The following ABCA12 variants were observed in gnomAD, a reference collection of about 807,000 sequenced individuals.
The protein encoded by ABCA12 is glucosylceramide transporter ABCA12.
Under a neutral mutation model 293.5 loss-of-function variants are expected in ABCA12, and 156 were observed. That is an observed-to-expected ratio of 0.53 (90% CI 0.47 to 0.61). ABCA12 has a LOEUF of 0.61. Ranked by LOEUF, ABCA12 falls within the 20% of genes least tolerant of loss-of-function variation. The pLI is 0.00. For synonymous variants in ABCA12, 1,063 were observed against 1,108.0 expected (o/e 0.96, Z 0.81); for missense variants, 2,797 against 3,090.2 (o/e 0.91, Z 2.25).
At chr2:215,110,600 C>T (rs142557227) in intron 2 of ABCA12, among the ~76,000 whole-genome samples, 109 of 152,350 alleles carry the variant, frequency 7.2e-4, no homozygotes, top group Middle Eastern at 3.4e-3. Context: ...ATGCTTTCCA[C>T]TAACTGAGTT....
chr2:215,081,506 GAA>G (rs1348884051), intron 2 of ABCA12, among the ~76,000 whole-genome samples: 9 of 115,010 alleles, frequency 7.8e-5, no homozygotes, highest in African/African-American at 2.6e-4. Context: ...AAAGAAAAAA[GAA>G]AAAGAAAAAA....
intron 9 of ABCA12, among the ~76,000 whole-genome samples, chr2:215,027,371 A>C (rs2106024741): frequency 6.6e-6 from 1 of 152,210 alleles, no homozygotes; most frequent in Non-Finnish European, 1.5e-5. Flanking sequence ...AAAGAAAGAA[A>C]TACTATGCAG....
chr2:215,066,226 C>T (rs1415977513), intron 2 of ABCA12, among the ~76,000 whole-genome samples: 1 of 152,102 alleles, frequency 6.6e-6, no homozygotes, highest in East Asian at 1.9e-4. Context: ...CCACTGTAAC[C>T]TCTCACTTAG....
chr2:214,961,251 A>G (rs539777090), intron 39 of ABCA12, among the ~76,000 whole-genome samples: 7 of 152,248 alleles, frequency 4.6e-5, no homozygotes, highest in African/African-American at 1.4e-4. Context: ...AAGAAAAATT[A>G]TTAGAGGCTA....
chr2:214,997,747 A>G lies in ABCA12; in HGVS notation c.3242T>C (p.Ile1081Thr), dbSNP rs1700065871. The G allele has an allele frequency of 8.1e-6, 13 of 1,613,732 alleles. No individual in the cohort carries two copies. Among genetic ancestry groups the G allele is most frequent in the Non-Finnish European group, 1.1e-5 (13 of 1,179,758 alleles). ...GACAAGCTTTTTTACAAAGGCAGCT[A>G]TAAATACAACCCAGGCAACCATAAG... Reference protein sequence around the residue: ...IVLMVAWVVFIAAFVKKLVYE... With the variant: ...IVLMVAWVVFTAAFVKKLVYE... The change falls in exon 23 of 53, where the codon ATA becomes ACA. Residue 1081 changes from isoleucine to threonine, a missense_variant. Ile to Thr is a moderately conservative substitution (Grantham distance 89). Transcript: ENST00000272895.
intron 2 of ABCA12, among the ~76,000 whole-genome samples, chr2:215,064,693 GCACACACACACACACACA>G (rs10541959): frequency 7.1e-6 from 1 of 139,912 alleles, no homozygotes; most frequent in Non-Finnish European, 1.5e-5. Context: ...TTTAATACAC[GCACACACACACACACACA>G]CACACACACA....
At position 215,052,523 on chromosome 2, in the gene ABCA12, G is replaced by T; in HGVS notation, c.471C>A (p.Gly157=). Residue 157 remains glycine (G), a synonymous_variant, in exon 5 of 53, where the codon GGC becomes GGA. Transcript: ENST00000272895. ...LEIPGTYTFN[G]SQVLARILGL... is the part of the protein sequence containing the mutation. The stretch of plus-strand genomic sequence containing the variant: ...CAAGAATTCGTGCGAGCACTTGACT[G>T]CCATTGAAAGTATATGTTCCGGGGA... The T allele has an allele frequency of 6.2e-7, 1 of 1,612,640 alleles. No homozygotes were observed. The highest frequency in any genetic ancestry group is 1.1e-5 in the South Asian group (1 of 91,058).
At chr2:215,069,129 A>G (rs1022734167) in intron 2 of ABCA12, among the ~76,000 whole-genome samples, 6 of 152,138 alleles carry the variant, frequency 3.9e-5, no homozygotes, top group Admixed American at 3.3e-4. Flanking sequence ...GGTGAAAGGC[A>G]TTTAGTCTTT....
In ABCA12 at chr2:214,978,412, G is replaced by T. The variant is rs747530265; in HGVS notation, c.5032C>A (p.His1678Asn). The T allele has an allele frequency of 8.1e-6, 13 of 1,613,718 alleles. No homozygotes were observed. The highest frequency in any genetic ancestry group is 1.1e-5 in the Non-Finnish European group (13 of 1,179,856). The change falls in exon 33 of 53, where the codon CAC becomes AAC. Residue 1678 changes from histidine to asparagine, a missense_variant. This residue lies in a region of ABCA12 where 2,130 missense variants were observed against 2,427.0 expected (regional missense o/e 0.88). Coordinates refer to ENST00000272895, the MANE Select transcript of ABCA12 (RefSeq NM_173076.3). ...SQKNSAMSLEHLTQKKIGNSN... is the reference protein window; with the variant it reads ...SQKNSAMSLENLTQKKIGNSN... The stretch of plus-strand genomic sequence containing the variant: ...TTCCCAATTTTCTTTTGTGTTAAGT[G>T]CTCAAGACTCATAGCACTATTTTTT...
At position 214,932,642 on chromosome 2, in the gene ABCA12, C is replaced by T. The variant is rs1441177834; in HGVS notation, c.7780G>A (p.Glu2594Lys). Residue 2594 changes from glutamate (E) to lysine (K), a missense_variant, in exon 53 of 53, where the codon GAG (glutamate) becomes AAG (lysine). Glu to Lys is a moderately conservative substitution (Grantham distance 56, BLOSUM62 1). Transcript: ENST00000272895. ...TGAGTTTGCTGGAAGTGTTAAGACT[C>T]CATCTGGTCATCTTGTGAGTCAACA... ...ISVDSQDDQM[E>K]S The T allele has an allele frequency of 2.5e-6, 4 of 1,612,090 alleles. No homozygotes were observed. The highest frequency in any genetic ancestry group is 2.5e-6 in the Non-Finnish European group (3 of 1,178,602).
chr2:214,981,266 T>G (rs944228615), intron 30 of ABCA12, among the ~76,000 whole-genome samples: 1 of 152,116 alleles, frequency 6.6e-6, no homozygotes, highest in Admixed American at 6.6e-5. Context: ...CTATTAGAAT[T>G]TTGCTCCCAT....
intron 22 of ABCA12, chr2:214,999,879 AAAGAAAAAAG>A (rs1236366573): frequency 1.0e-6 from 1 of 964,910 alleles, no homozygotes; most frequent in African/African-American, 1.8e-5. Flanking sequence ...GCATTGAAAG[AAAGAAAAAAG>A]AAGAGAAAAG....
At chr2:215,039,552 G>A (rs754347948) in intron 7 of ABCA12, among the ~76,000 whole-genome samples, 29 of 152,068 alleles carry the variant, frequency 1.9e-4, no homozygotes, top group African/African-American at 3.1e-4. Flanking sequence ...TCAGGAGATC[G>A]AGACCATCCT....
Position 214,974,882 on chromosome 2 carries a change from A to G in ABCA12, c.5382-18T>C. On this transcript the variant is annotated intron_variant, in intron 34 of 52. Coordinates refer to ENST00000272895, the MANE Select transcript of ABCA12 (RefSeq NM_173076.3). ...GATAATTACTGCAATATGAAAGGACAGAAACAAATTCATGATTTTTCTACT... is the reference window on the plus strand; with the variant it reads ...GATAATTACTGCAATATGAAAGGACGGAAACAAATTCATGATTTTTCTACT... The G allele has an allele frequency of 1.2e-6, 2 of 1,605,450 alleles. No individual in the cohort carries two copies. The highest frequency in any genetic ancestry group is 8.5e-7 in the Non-Finnish European group (1 of 1,172,246).
At chr2:215,022,093 T>G (rs1700642234) in intron 11 of ABCA12, 1 of 152,156 alleles carries the variant, frequency 6.6e-6, no homozygotes, top group African/African-American at 2.4e-5. Context: ...AGGGAGTTTT[T>G]TGTGGTAATT....
chr2:214,942,205 T>TA (rs1361906854), intron 50 of ABCA12, among the ~76,000 whole-genome samples: 3 of 152,202 alleles, frequency 2.0e-5, no homozygotes, highest in Non-Finnish European at 4.4e-5. Flanking sequence ...ATGTGCCAGC[T>TA]AACTGTTTGC....
chr2:215,000,569 T>TC (rs1370339033), intron 22 of ABCA12, 136 bp downstream of exon 22: 1 of 957,168 alleles, frequency 1.0e-6, no homozygotes, highest in African/African-American at 1.6e-5. Context: ...TAGTGTGAAC[T>TC]CTTTCTCAAA....
Position 215,019,318 on chromosome 2 carries a change from A to T in ABCA12, c.1657+18T>A, listed in dbSNP as rs1408081596. ...GCATTCTAATAAGACAAGATTTAAAATGTGGATGGGGAAACACCTGGCTTT... is the reference window on the plus strand; with the variant it reads ...GCATTCTAATAAGACAAGATTTAAATTGTGGATGGGGAAACACCTGGCTTT... On this transcript the variant is annotated intron_variant, in intron 13 of 52. Coordinates refer to ENST00000272895, the MANE Select transcript of ABCA12 (RefSeq NM_173076.3). 3 of 1,589,574 alleles carry T rather than the reference A, an allele frequency of 1.9e-6. No homozygotes were observed. Among genetic ancestry groups the T allele is most frequent in the Non-Finnish European group, 2.6e-6 (3 of 1,159,610 alleles).
intron 51 of ABCA12, among the ~76,000 whole-genome samples, chr2:214,936,243 G>T (rs1351354940): frequency 6.6e-6 from 1 of 152,186 alleles, no homozygotes. Flanking sequence ...TTTATGTTGT[G>T]TAAGCTACCT....
Sources: allele counts gnomAD v4.1 joint callset (sites outside exome capture counted in the v4.1 genomes callset), GRCh38; gene constraint gnomAD v4.1.1; regional missense constraint gnomAD v4.1.1; transcripts MANE v1.5; gene names NCBI Gene and HGNC (gene_info 2026-07-23, HGNC 2026-07-21).